SON: variants seen among roughly 807,000 people sequenced by gnomAD.
SON encodes the protein SON DNA and RNA binding protein.
SON carries 4 observed loss-of-function variants against 173.3 expected under a neutral mutation model. That is an observed-to-expected ratio of 0.02 (90% CI 0.01 to 0.05). SON has a LOEUF of 0.05. SON is among the 10% of genes least tolerant of loss of function. The probability of loss-of-function intolerance (pLI) is 1.00; values close to 1 mark genes in which losing one functional copy is unlikely to be tolerated. For missense variants in SON, 2,626 were observed against 3,055.3 expected, an observed-to-expected ratio of 0.86 and a Z score of 3.31; for synonymous variants, 1,190 against 1,105.9, an observed-to-expected ratio of 1.08 and a Z score of -1.51.
chr21:33,571,306 G>A (rs776591141), intron 8 of SON, among the ~76,000 whole-genome samples: 1 of 152,180 alleles, frequency 6.6e-6, no homozygotes, highest in Non-Finnish European at 1.5e-5. Context: ...TATGATCCAT[G>A]TTAAATATCA....
At chr21:33,569,571 A>G (rs1365530001) in intron 8 of SON, 1 of 453,956 alleles carries the variant, frequency 2.2e-6, no homozygotes. Flanking sequence ...CACCCGCTTC[A>G]TTAGTGCCTG....
intron 9 of SON, among the ~76,000 whole-genome samples, chr21:33,574,751 A>G (rs903114867): frequency 2.0e-5 from 3 of 152,228 alleles, no homozygotes; most frequent in South Asian, 2.1e-4. Flanking sequence ...CTCAACCTGT[A>G]TATGAATTGG....
chr21:33,549,505 T>A lies in SON; in HGVS notation c.274T>A (p.Cys92Ser). Residue 92 changes from cysteine (C) to serine (S), a missense_variant, in exon 3 of 12, where the codon TGC (cysteine) becomes AGC (serine). Coordinates refer to ENST00000356577, the MANE Select transcript of SON (RefSeq NM_138927.4). ...DLKEGSRKSR[C>S]VSVQTDPTDE... is the part of the protein sequence containing the mutation. ...GAAAGAGGGCTCCAGAAAAAGTAGATGCGTATCTGTACAAACAGATCCTAC... is the reference window on the plus strand; with the variant it reads ...GAAAGAGGGCTCCAGAAAAAGTAGAAGCGTATCTGTACAAACAGATCCTAC... 6.5e-7 allele frequency: 1 copy of A among 1,549,176 alleles called. No individual in the cohort carries two copies. Among genetic ancestry groups the A allele is most frequent in the Non-Finnish European group, 8.6e-7 (1 of 1,156,528 alleles).
In SON at chr21:33,551,812, A is replaced by T. The variant is rs142324795; in HGVS notation, c.2581A>T (p.Met861Leu). 1.9e-6 allele frequency: 3 copies of T among 1,613,684 alleles called. No homozygotes were observed. The highest frequency in any genetic ancestry group is 2.5e-6 in the Non-Finnish European group (3 of 1,180,012). The change falls in exon 3 of 12, where the codon ATG becomes TTG. Residue 861 changes from methionine (M) to leucine (L), a missense_variant. Coordinates refer to ENST00000356577, the MANE Select transcript of SON (RefSeq NM_138927.4). ...CTCCCAGATGTTAGCAACTAGCTCA[A>T]TGGATTCCCAGATGTTAGCATCTGG... ...MDSQMLATSS[M>L]DSQMLASGTM...
intron 8 of SON, chr21:33,570,186 T>G (rs1200385590): frequency 6.6e-6 from 1 of 152,302 alleles, no homozygotes; most frequent in Non-Finnish European, 1.5e-5. Context: ...TCCTGACTCC[T>G]TGTGTAATCA....
At chr21:33,557,697 C>A in intron 4 of SON, 1 of 1,451,316 alleles carries the variant, frequency 6.9e-7, no homozygotes, top group Non-Finnish European at 9.1e-7. Context: ...CGCAAAGACA[C>A]AGACAATCTT....
intron 1 of SON, among the ~76,000 whole-genome samples, chr21:33,543,964 A>G (rs2085542403): frequency 6.6e-6 from 1 of 152,186 alleles, no homozygotes; most frequent in East Asian, 1.9e-4. Flanking sequence ...AGGCGAAGAG[A>G]TTGTTAAAGA....
At position 33,553,265 on chromosome 21, in the gene SON, A is replaced by C; in HGVS notation, c.4034A>C (p.Glu1345Ala). The C allele has an allele frequency of 1.9e-6, 3 of 1,614,116 alleles. No individual in the cohort carries two copies. The highest frequency in any genetic ancestry group is 2.5e-6 in the Non-Finnish European group (3 of 1,180,020). Residue 1345 changes from glutamate to alanine, a missense_variant, in exon 3 of 12, where the codon GAG (glutamate) becomes GCG (alanine). Coordinates refer to ENST00000356577, the MANE Select transcript of SON (RefSeq NM_138927.4). ...CCAGTGCTGGCAGAGAGCATTCTGG[A>C]GCCGCCAGCCATGGCTGCCCCAGAG... ...TTPVLAESILEPPAMAAPESS... is the reference protein window; with the variant it reads ...TTPVLAESILAPPAMAAPESS...
chr21:33,575,701 A>G (rs1663540735), intron 10 of SON, 34 bp downstream of exon 10: 2 of 1,587,014 alleles, frequency 1.3e-6, no homozygotes, highest in South Asian at 2.2e-5. Flanking sequence ...CTCTTACCCT[A>G]ATCCCACCTT....
At chr21:33,547,736 A>C (rs2085655296) in intron 2 of SON, among the ~76,000 whole-genome samples, 2 of 77,118 alleles carry the variant, frequency 2.6e-5, no homozygotes, top group Non-Finnish European at 4.6e-5. Flanking sequence ...TTTTTTTGAG[A>C]CGGAGTCTCG....
chr21:33,559,156 G>A lies in SON; in HGVS notation c.6322-74G>A. 6 of 1,205,212 alleles carry A rather than the reference G, an allele frequency of 5.0e-6. No homozygotes were observed. The highest frequency in any genetic ancestry group is 3.6e-5 in the South Asian group (2 of 56,152). The allele number at this position is 1,205,212 out of a possible 1,614,324, so 74.7% of individuals were successfully genotyped here. On this transcript the variant is annotated intron_variant, in intron 4 of 11. Transcript: ENST00000356577. This position sits in a 1 kb window ranked among gnomAD's most constrained non-coding sequence, Gnocchi z 4.1. ...TAACTTTGGAAAGTTGCTATTATGT[G>A]GTTTTGATTCTAAGAAATTACATGT... is the stretch of plus-strand genomic sequence containing the variant.
intron 6 of SON, chr21:33,560,270 C>T: frequency 6.9e-7 from 1 of 1,454,606 alleles, no homozygotes; most frequent in Non-Finnish European, 9.0e-7. Context: ...TGGTTTCTTA[C>T]TGTTTCTCTG....
intron 2 of SON, chr21:33,546,696 G>A (rs186612347): frequency 8.5e-5 from 16 of 187,560 alleles, no homozygotes; most frequent in South Asian, 5.6e-4. Flanking sequence ...CAGGAGAATC[G>A]CATGAACCCA....
intron 7 of SON, among the ~76,000 whole-genome samples, chr21:33,567,774 T>G (rs1364370220): frequency 6.6e-6 from 1 of 151,906 alleles, no homozygotes; most frequent in Middle Eastern, 3.2e-3. Flanking sequence ...TTAGCTGGGT[T>G]TGGTGTTGCA....
At position 33,576,719 on chromosome 21, in the gene SON, A is replaced by G. The variant is rs2145891502; in HGVS notation, c.*295A>G. 1 of 495,470 alleles carries G rather than the reference A, an allele frequency of 2.0e-6. No individual in the cohort carries two copies. Among genetic ancestry groups the G allele is most frequent in the East Asian group, 3.9e-5 (1 of 25,622 alleles). 30.7% of individuals were successfully genotyped at this position (495,470 alleles called of 1,614,324 possible). On this transcript the variant is annotated 3_prime_UTR_variant, in exon 12 of 12. Transcript: ENST00000356577. ...ATCTCCAGGCTTTGATTTTTGTACC[A>G]TGGAAATTGTATTTAACCATACAGG...
chr21:33,569,677 T>G, intron 8 of SON: 2 of 443,968 alleles, frequency 4.5e-6, no homozygotes, highest in South Asian at 3.3e-5. Flanking sequence ...TTACAGCAAG[T>G]GGTTGGGAGG....
At chr21:33,569,939 A>T (rs1039480065) in intron 8 of SON, 5 of 165,266 alleles carry the variant, frequency 3.0e-5, no homozygotes, top group African/African-American at 1.2e-4. Context: ...ATGTAGGTGC[A>T]TCTGGTTTCA....
intron 9 of SON, among the ~76,000 whole-genome samples, chr21:33,574,868 A>G (rs949409858): frequency 6.6e-6 from 1 of 152,194 alleles, no homozygotes; most frequent in Non-Finnish European, 1.5e-5. Flanking sequence ...AACATCTCCC[A>G]TTTGTTAGGA....
At position 33,554,218 on chromosome 21, in the gene SON, G is replaced by A; in HGVS notation, c.4987G>A (p.Asp1663Asn). 1.2e-6 allele frequency: 2 copies of A among 1,614,160 alleles called. No homozygotes were observed. The highest frequency in any genetic ancestry group is 1.7e-6 in the Non-Finnish European group (2 of 1,180,012). The change falls in exon 3 of 12, where the codon GAT becomes AAT. Residue 1663 changes from aspartate to asparagine, a missense_variant. Transcript: ENST00000356577. ...ADIEGPLPAK[D>N]IHLDLPSNNN... The stretch of plus-strand genomic sequence containing the variant: ...CATTGAAGGGCCTTTGCCTGCTAAA[G>A]ATATTCATCTTGATTTACCATCTAA...
Sources: allele counts gnomAD v4.1 joint callset (sites outside exome capture counted in the v4.1 genomes callset), GRCh38; gene constraint gnomAD v4.1.1; non-coding constraint Gnocchi (gnomAD v3.1); transcripts MANE v1.5; gene names NCBI Gene and HGNC (gene_info 2026-07-23, HGNC 2026-07-21).